The following PFAS variants were observed in gnomAD, a reference collection of about 807,000 sequenced individuals.
PFAS encodes FGAM synthase.
In PFAS, 97 loss-of-function variants were observed where a neutral mutation model predicts 140.6. The observed-to-expected ratio is 0.69, with a 90% CI of 0.59 to 0.82. The LOEUF is 0.82. Ranked by LOEUF, PFAS falls within the 40% of genes least tolerant of loss-of-function variation. The pLI is 0.00. For synonymous variants in PFAS, 679 were observed against 718.8 expected, an observed-to-expected ratio of 0.94 and a Z score of 0.88; for missense variants, 1,656 against 1,780.2, an observed-to-expected ratio of 0.93 and a Z score of 1.26.
At position 8,265,161 on chromosome 17, in the gene PFAS, G is replaced by A. The variant is rs200008252; in HGVS notation, c.2280+36G>A. The A allele has an allele frequency of 1.8e-3, 2,930 of 1,584,830 alleles. 8 individuals carry two copies. Among genetic ancestry groups the A allele is most frequent in the Admixed American group, 3.1e-3 (180 of 58,676 alleles). On this transcript the variant is annotated intron_variant, in intron 18 of 27. Transcript: ENST00000314666. Reference sequence around the variant, plus strand: ...CCACAGCTTCTATCCTGGAGCCCCCGGGCTTCAGGACCCTTCCACATCCAT... The same window carrying A: ...CCACAGCTTCTATCCTGGAGCCCCCAGGCTTCAGGACCCTTCCACATCCAT...
chr17:8,259,606 A>G (rs1282797965), intron 11 of PFAS, among the ~76,000 whole-genome samples: 15 of 151,730 alleles, frequency 9.9e-5, no homozygotes, highest in African/African-American at 3.6e-4. Flanking sequence ...ATACAGTCAG[A>G]CCCCTGTCTC....
In PFAS at chr17:8,256,300, G is replaced by C. The variant is rs944531383; in HGVS notation, c.714G>C (p.Gln238His). 5.6e-6 allele frequency: 9 copies of C among 1,613,940 alleles called. No homozygotes were observed. Among genetic ancestry groups the C allele is most frequent in the Non-Finnish European group, 5.9e-6 (7 of 1,180,016 alleles). Residue 238 changes from glutamine to histidine, a missense_variant, in exon 7 of 28, where the codon CAG becomes CAC. Physicochemically the swap from Gln to His is conservative, Grantham distance 24 (BLOSUM62 0). Around this residue, in one of 2 missense-constraint regions of PFAS, gnomAD observed 773 missense variants for 757.3 expected, o/e 1.02. Transcript: ENST00000314666. ...GCCGACACTGGTTCTTCAAGGGCCA[G>C]CTCCACGTGGATGGGCAGAAGCTGG... ...EHSRHWFFKGQLHVDGQKLVH... is the reference protein window; with the variant it reads ...EHSRHWFFKGHLHVDGQKLVH...
intron 11 of PFAS, among the ~76,000 whole-genome samples, chr17:8,261,059 C>T (rs756152626): frequency 5.9e-5 from 9 of 152,204 alleles, no homozygotes; most frequent in Non-Finnish European, 1.2e-4. Context: ...GCAGCTGTAC[C>T]ATTTTACATT....
chr17:8,262,855 C>A, intron 11 of PFAS, 65 bp from the exon 12 acceptor site: 1 of 1,275,110 alleles, frequency 7.8e-7, no homozygotes, highest in Non-Finnish European at 1.1e-6. Flanking sequence ...GTTCACGCTG[C>A]CTTGCTTTCG....
In PFAS at chr17:8,268,959, G is replaced by T. The variant is rs145272400; in HGVS notation, c.3712G>T (p.Val1238Leu). 1,491 of 1,614,164 alleles carry T rather than the reference G, an allele frequency of 9.2e-4. 11 individuals carry two copies. In the Middle Eastern group the frequency reaches 0.011, roughly 12 times the overall value. ...PVWSAHGEGY[V>L]AFSSPELQAQ... Reference sequence around the variant, plus strand: ...CCCTCCTCCTTCCATCCCAGGTTACGTAGCATTTTCTTCTCCGGAACTCCA... The same window carrying T: ...CCCTCCTCCTTCCATCCCAGGTTACTTAGCATTTTCTTCTCCGGAACTCCA... The change falls in exon 28 of 28, where the codon GTA (valine) becomes TTA (leucine). Residue 1238 changes from valine to leucine, a missense_variant. Around this residue, in one of 2 missense-constraint regions of PFAS, gnomAD observed 883 missense variants for 1,023.0 expected, o/e 0.86. Coordinates refer to ENST00000314666, the MANE Select transcript of PFAS (RefSeq NM_012393.3).
chr17:8,263,691 G>T, intron 14 of PFAS, 55 bp downstream of exon 14: 1 of 1,602,174 alleles, frequency 6.2e-7, no homozygotes. Context: ...GCCCCAGCCC[G>T]CTTCCACCCA....
intron 11 of PFAS, among the ~76,000 whole-genome samples, chr17:8,261,876 G>T (rs143220947): frequency 9.2e-5 from 14 of 152,208 alleles, no homozygotes; most frequent in Non-Finnish European, 1.3e-4. Flanking sequence ...CTCCCAAAGT[G>T]CTGGGAGTAT....
chr17:8,267,299 C>T lies in PFAS; in HGVS notation c.3175+64C>T, dbSNP rs1989857692. 37 of 1,585,820 alleles carry T rather than the reference C, an allele frequency of 2.3e-5. 1 individual carries two copies. The South Asian group carries it at 4.1e-4, about 18-fold the overall frequency. On this transcript the variant is annotated intron_variant, in intron 24 of 27. Transcript: ENST00000314666. The surrounding 1 kb of genome is among the most constrained non-coding windows in gnomAD (Gnocchi z 4.9). Reference sequence around the variant, plus strand: ...ACTGAGCCTGGATGCCTGGGCCTGCCCTCAGAAAGGTGTCTGGGGAGTTGG... The same window carrying T: ...ACTGAGCCTGGATGCCTGGGCCTGCTCTCAGAAAGGTGTCTGGGGAGTTGG...
chr17:8,254,474 T>C (rs1471045820), intron 3 of PFAS, among the ~76,000 whole-genome samples, 173 bp downstream of exon 3: 2 of 152,134 alleles, frequency 1.3e-5, no homozygotes, highest in African/African-American at 4.8e-5. Context: ...CCAAAACATG[T>C]TCTCAAAGCA....
Position 8,255,677 on chromosome 17 carries a change from C to A in PFAS, c.560C>A (p.Ala187Asp). 1 of 1,583,096 alleles carries A rather than the reference C, an allele frequency of 6.3e-7. No individual in the cohort carries two copies. Among genetic ancestry groups the A allele is most frequent in the South Asian group, 1.2e-5 (1 of 85,460 alleles). The change falls in exon 5 of 28, where the codon GCC (alanine) becomes GAC (aspartate). Residue 187 changes from alanine to aspartate, a missense_variant. Ala to Asp is a moderately radical substitution (Grantham distance 126). This residue lies in a region of PFAS where 773 missense variants were observed against 757.3 expected (regional missense o/e 1.02). Transcript: ENST00000314666. ...LGEGRLALEK[A>D]NQELGLALDS... ...GAGGGCCGGCTTGCGCTGGAGAAGG[C>A]CAACCAGGAGCTTGGTGAGTAGCTG...
rs564324123 is a variant in PFAS, at chr17:8,252,466, C to T, written c.-79-1393C>T. ...TTGCCCAGGCTGGAGTGCAATGGCT[C>T]GATCTCAGCTCACTGCAACTTCCGC... On this transcript the variant is annotated intron_variant, in intron 1 of 27. Coordinates refer to ENST00000314666, the MANE Select transcript of PFAS (RefSeq NM_012393.3). Among the ~76,000 whole-genome samples the T allele has an allele frequency of 4.1e-5, 6 of 146,414 alleles. No individual in the cohort carries two copies. The South Asian group carries it at 6.6e-4, about 16-fold the overall frequency.
intron 1 of PFAS, chr17:8,249,630 A>G (rs1989062388): frequency 6.6e-6 from 1 of 152,228 alleles, no homozygotes; most frequent in African/African-American, 2.4e-5. Context: ...CATGCTGGTC[A>G]TGGAATACAG....
At chr17:8,264,864 G>A (rs1372010370) in intron 17 of PFAS, 31 bp from the exon 18 acceptor site, 1 of 1,448,708 alleles carries the variant, frequency 6.9e-7, no homozygotes, top group Admixed American at 2.1e-5. Flanking sequence ...CCTGTCCCTT[G>A]CTCTCTTGCT....
rs994320338 is a variant in PFAS at position 8,268,573 on chromosome 17, T to C, written c.3423T>C (p.Ala1141=). 1.2e-6 allele frequency: 2 copies of C among 1,612,708 alleles called. No homozygotes were observed. The highest frequency in any genetic ancestry group is 1.7e-6 in the Non-Finnish European group (2 of 1,179,948). The stretch of plus-strand genomic sequence containing the variant: ...TGACCTTTCATCCCAGGGCTGGGGC[T>C]GAGCTGAGGCGCTTCCGGAAGCGGC... ...AAVTFHPRAG[A]ELRRFRKRPD... The change falls in exon 27 of 28, where the codon GCT becomes GCC. Residue 1141 remains alanine (A), a synonymous_variant. Transcript: ENST00000314666.
intron 17 of PFAS, 125 bp downstream of exon 17, chr17:8,264,726 C>A: frequency 8.7e-7 from 1 of 1,143,158 alleles, no homozygotes; most frequent in Non-Finnish European, 1.2e-6. Context: ...AGGGGCAGGG[C>A]AGCCACCCTG....
intron 3 of PFAS, 126 bp downstream of exon 3, chr17:8,254,427 CCCAT>C: frequency 1.8e-6 from 2 of 1,105,918 alleles, no homozygotes; most frequent in Non-Finnish European, 2.7e-6. Flanking sequence ...ATGTGCTTTC[CCCAT>C]TTGGGTAGAT....
intron 15 of PFAS, 104 bp from the exon 16 acceptor site, chr17:8,264,108 C>T (rs1226051907): frequency 1.9e-5 from 29 of 1,535,852 alleles, no homozygotes; most frequent in Non-Finnish European, 2.6e-5. Context: ...AATATGGAAA[C>T]CAAACAAGGA....
Position 8,258,243 on chromosome 17 carries a change from C to G in PFAS, c.1336+44C>G, listed in dbSNP as rs938141900. ...TCTCTGGATCCAGCCAGCTTTCTCC[C>G]CAGCACAGGATGGCTACAGGGAGGG... is the stretch of plus-strand genomic sequence containing the variant. On this transcript the variant is annotated intron_variant, in intron 11 of 27. Transcript: ENST00000314666. 3.7e-6 allele frequency: 6 copies of G among 1,609,228 alleles called. No homozygotes were observed. The African/African-American group carries it at 8.0e-5, about 22-fold the overall frequency.
intron 9 of PFAS, 82 bp downstream of exon 9, chr17:8,257,045 A>G: frequency 2.7e-6 from 4 of 1,460,588 alleles, no homozygotes; most frequent in Non-Finnish European, 3.8e-6. Context: ...TGTTAGGTCC[A>G]TAGGGTTATC....
Sources: gnomAD v4.1 joint callset for allele counts (sites outside exome capture counted in the v4.1 genomes callset) on GRCh38, gnomAD v4.1.1 for gene constraint, gnomAD v4.1.1 regional missense constraint, Gnocchi (gnomAD v3.1) non-coding constraint, MANE v1.5 for transcripts, NCBI Gene and HGNC (gene_info 2026-07-23, HGNC 2026-07-21) for gene names.